DGKI: variants seen among roughly 807,000 people sequenced by gnomAD.
The protein encoded by DGKI is diacylglycerol kinase iota.
A neutral mutation model predicts 147.5 loss-of-function variants in DGKI; 55 were observed. That is an observed-to-expected ratio of 0.37 (90% CI 0.30 to 0.47). The LOEUF is 0.47. Ranked by LOEUF, DGKI falls within the 20% of genes least tolerant of loss-of-function variation. DGKI has a pLI of 1.00. For missense variants in DGKI, 1,007 were observed against 1,323.8 expected, an observed-to-expected ratio of 0.76 and a Z score of 3.71; for synonymous variants, 469 against 477.1, an observed-to-expected ratio of 0.98 and a Z score of 0.22.
intron 7 of DGKI, among the ~76,000 whole-genome samples, chr7:137,620,457 A>T (rs959814336): frequency 3.9e-5 from 6 of 152,172 alleles, no homozygotes; most frequent in Non-Finnish European, 5.9e-5. Context: ...TATCATAGAT[A>T]TAAATCCTCC....
intron 6 of DGKI, among the ~76,000 whole-genome samples, chr7:137,638,923 A>G (rs1821520409): frequency 6.6e-6 from 1 of 151,890 alleles, no homozygotes; most frequent in Non-Finnish European, 1.5e-5. Flanking sequence ...TCTATAATTG[A>G]TTTGCTTTTC....
At chr7:137,724,016 C>T (rs961790198) in intron 1 of DGKI, among the ~76,000 whole-genome samples, 52 of 151,828 alleles carry the variant, frequency 3.4e-4, no homozygotes, top group Non-Finnish European at 1.6e-4. Flanking sequence ...CCCATGATTT[C>T]CTTTTGATAA....
intron 20 of DGKI, among the ~76,000 whole-genome samples, chr7:137,542,006 T>C (rs1817719479): frequency 1.3e-5 from 2 of 152,028 alleles, no homozygotes. Context: ...ACAAAGGCCT[T>C]GGGTGCAGAA....
chr7:137,699,810 T>TA (rs1005447478), intron 1 of DGKI, among the ~76,000 whole-genome samples: 18 of 152,274 alleles, frequency 1.2e-4, no homozygotes, highest in African/African-American at 4.1e-4. Flanking sequence ...CCTGGACGCC[T>TA]ATACTGTCAC....
intron 1 of DGKI, among the ~76,000 whole-genome samples, chr7:137,710,385 T>C (rs926728463): frequency 6.6e-6 from 1 of 152,032 alleles, no homozygotes; most frequent in African/African-American, 2.4e-5. Context: ...CCTGTTATAA[T>C]CCATTAACAA....
rs189215820 is a variant in DGKI at position 137,390,468 on chromosome 7, G to A, written c.*752C>T. 6.5e-6 allele frequency: 1 copy of A among 152,920 alleles called. No homozygotes were observed. The highest frequency in any genetic ancestry group is 1.5e-5 in the Non-Finnish European group (1 of 68,230). 9.5% of individuals were successfully genotyped at this position (152,920 alleles called of 1,614,324 possible). ...CTGAACCAGTCCTGCATGGCTATTG[G>A]CTACAGCCCAGCAGCCTGGGCTGAC... On this transcript the variant is annotated 3_prime_UTR_variant, in exon 33 of 33. Transcript: ENST00000614521.
rs756162773 is a variant in DGKI, at chr7:137,609,528, CACTT to C, written c.1068+3_1068+6del. 1 of 1,604,218 alleles carries C rather than the reference CACTT, an allele frequency of 6.2e-7. No individual in the cohort carries two copies. The highest frequency in any genetic ancestry group is 8.5e-7 in the Non-Finnish European group (1 of 1,171,314). On this transcript the variant is annotated splice_donor_5th_base_variant and intron_variant, in intron 9 of 32. Coordinates refer to ENST00000614521, the MANE Select transcript of DGKI (RefSeq NM_001321708.2). ...AATTCCTCAGAATAAAACTCTGAAA[CACTT>C]ACTTCCATCCCTCTTTTACTGGCTT... is the stretch of plus-strand genomic sequence containing the variant.
At chr7:137,419,182 C>T (rs752357639) in intron 28 of DGKI, among the ~76,000 whole-genome samples, 7 of 152,126 alleles carry the variant, frequency 4.6e-5, no homozygotes, top group Admixed American at 1.3e-4. Context: ...AAATAACCCC[C>T]GGAAAAAGTT....
At chr7:137,456,684 T>G (rs1814219622) in intron 27 of DGKI, among the ~76,000 whole-genome samples, 1 of 152,200 alleles carries the variant, frequency 6.6e-6, no homozygotes, top group South Asian at 2.1e-4. Context: ...ACACTAATAT[T>G]TCCTCATACT....
intron 21 of DGKI, among the ~76,000 whole-genome samples, chr7:137,507,874 A>T (rs1490780091): frequency 1.3e-5 from 2 of 152,076 alleles, no homozygotes; most frequent in African/African-American, 4.8e-5. Context: ...AAGACCAGAC[A>T]CTCTTCCACG....
intron 1 of DGKI, among the ~76,000 whole-genome samples, chr7:137,701,813 TA>T (rs1823993541): frequency 6.6e-6 from 1 of 152,002 alleles, no homozygotes; most frequent in South Asian, 2.1e-4. Flanking sequence ...CCAGGTGATT[TA>T]AAAAATGTAT....
chr7:137,688,877 A>C (rs537183890), intron 2 of DGKI, among the ~76,000 whole-genome samples: 7 of 152,318 alleles, frequency 4.6e-5, no homozygotes, highest in Non-Finnish European at 8.8e-5. Flanking sequence ...TCTCAGGGTA[A>C]CAATATCTCC....
At chr7:137,626,212 G>T (rs886617443) in intron 6 of DGKI, among the ~76,000 whole-genome samples, 1 of 151,952 alleles carries the variant, frequency 6.6e-6, no homozygotes, top group African/African-American at 2.4e-5. Flanking sequence ...CTGAACCTGG[G>T]GTGGTCTTGA....
chr7:137,755,603 A>C (rs1795654277), intron 1 of DGKI, among the ~76,000 whole-genome samples: 1 of 152,186 alleles, frequency 6.6e-6, no homozygotes, highest in South Asian at 2.1e-4. Flanking sequence ...CATCTGAAAA[A>C]TCTTGTAACT....
chr7:137,620,006 A>G (rs1820683648), intron 7 of DGKI, 66 bp from the exon 8 acceptor site: 3 of 837,308 alleles, frequency 3.6e-6, no homozygotes, highest in Non-Finnish European at 5.8e-6. Context: ...AGAAGGGATA[A>G]ATATGTACAC....
At chr7:137,796,951 T>C (rs1166584331) in intron 1 of DGKI, among the ~76,000 whole-genome samples, 1 of 152,138 alleles carries the variant, frequency 6.6e-6, no homozygotes, top group Non-Finnish European at 1.5e-5. Flanking sequence ...AGTCTATACA[T>C]CTAAGAAGCA....
At chr7:137,462,118 AAAAT>A (rs1400132445) in intron 27 of DGKI, among the ~76,000 whole-genome samples, 3 of 152,122 alleles carry the variant, frequency 2.0e-5, no homozygotes, top group Non-Finnish European at 4.4e-5. Context: ...ATATACAACT[AAAAT>A]ACTCATTGGT....
intron 3 of DGKI, among the ~76,000 whole-genome samples, chr7:137,673,080 C>A (rs270902): frequency 0.32 from 48,378 of 150,636 alleles, 7,945 homozygotes; most frequent in South Asian, 0.47. Flanking sequence ...CCGCGCCCAG[C>A]GTGTGTCTTC....
chr7:137,690,181 T>TCCCAAAG (rs1216486205), intron 1 of DGKI, among the ~76,000 whole-genome samples, 179 bp from the exon 2 acceptor site: 1 of 151,968 alleles, frequency 6.6e-6, no homozygotes, highest in Non-Finnish European at 1.5e-5. Context: ...CCAAAGAGGG[T>TCCCAAAG]GGCAGGTCCC....
Sources: gnomAD v4.1 joint callset for allele counts (sites outside exome capture counted in the v4.1 genomes callset) on GRCh38, gnomAD v4.1.1 for gene constraint, MANE v1.5 for transcripts, NCBI Gene and HGNC (gene_info 2026-07-23, HGNC 2026-07-21) for gene names.